Variants in ANKS1B observed in about 807,000 individuals in gnomAD.
ANKS1B encodes ankyrin repeat and sterile alpha motif domain-containing protein 1B.
Under a neutral mutation model 148.3 loss-of-function variants are expected in ANKS1B, and 36 were observed. That is an observed-to-expected ratio of 0.24 (90% CI 0.19 to 0.32). The LOEUF (loss-of-function observed/expected upper bound fraction) is 0.32, where lower values mean the gene tolerates loss of function less well. Among genes scored for constraint, ANKS1B ranks in the 10% least tolerant of loss-of-function variants. The pLI, the probability that ANKS1B is intolerant of heterozygous loss-of-function variation, is 1.00. For synonymous variants in ANKS1B, 542 were observed against 560.8 expected, an observed-to-expected ratio of 0.97 and a Z score of 0.47; for missense variants, 1,157 against 1,542.6, an observed-to-expected ratio of 0.75 and a Z score of 4.19.
At chr12:99,781,935 A>T in intron 5 of ANKS1B, 87 bp downstream of exon 5, 1 of 1,166,570 alleles carries the variant, frequency 8.6e-7, no homozygotes, top group Non-Finnish European at 1.2e-6. Flanking sequence ...TGATTTGTGA[A>T]GAAAACTGTG....
chr12:99,937,656 T>A (rs1175724890), intron 1 of ANKS1B, among the ~76,000 whole-genome samples: 4 of 152,170 alleles, frequency 2.6e-5, no homozygotes, highest in African/African-American at 9.6e-5. Context: ...GCTATCATAT[T>A]GCTACACTGA....
chr12:98,859,026 T>C (rs1181747240), intron 17 of ANKS1B, among the ~76,000 whole-genome samples: 2 of 152,244 alleles, frequency 1.3e-5, no homozygotes, highest in South Asian at 2.1e-4. Flanking sequence ...CTTATTTTCA[T>C]GGATTTTCTA....
intron 17 of ANKS1B, among the ~76,000 whole-genome samples, chr12:98,842,941 CTTCAGTAAAAATGTTTA>C (rs2099416019): frequency 6.6e-6 from 1 of 152,160 alleles, no homozygotes; most frequent in African/African-American, 2.4e-5. Context: ...AGTCATAACA[CTTCAGTAAAAATGTTTA>C]TGCTTTCTAA....
At position 99,259,178 on chromosome 12, in the gene ANKS1B, G is replaced by A. The variant is rs908940844; in HGVS notation, c.1757-12314C>T. On this transcript the variant is annotated intron_variant, in intron 12 of 26. Transcript: ENST00000683438. ...CATCAGTACAATGCACCATCCACTG[G>A]AGTGTCCTATCCAAGTAGCACTGGA... 7.2e-5 allele frequency among the ~76,000 whole-genome samples: 11 copies of A among 152,314 alleles called. No homozygotes were observed. The East Asian group carries it at 1.5e-3, about 21-fold the overall frequency.
rs745561598 is a variant in ANKS1B, at chr12:99,246,346, A to G, written c.2275T>C (p.Ser759Pro). ...EKTSRVNWSE[S>P]STAEHSSKGN... ...TTAGAACTGTGTTCAGCAGTGGAAG[A>G]TTCACTCCAGTTAACTCTTGATGTT... Residue 759 changes from serine to proline, a missense_variant, in exon 13 of 27, where the codon TCT becomes CCT. Transcript: ENST00000683438. 2 of 1,613,524 alleles carry G rather than the reference A, an allele frequency of 1.2e-6. No individual in the cohort carries two copies. The highest frequency in any genetic ancestry group is 1.7e-6 in the Non-Finnish European group (2 of 1,179,704).
chr12:98,743,249 T>C (rs115692832), downstream of ANKS1B, among the ~76,000 whole-genome samples: 892 of 152,296 alleles, frequency 5.9e-3, 8 homozygotes, highest in African/African-American at 0.02. Context: ...TTCCCAAGTA[T>C]TCCAACTTGA....
In ANKS1B at chr12:99,673,479, T is replaced by C. The variant is rs1017251229; in HGVS notation, c.1129-18269A>G. On this transcript the variant is annotated intron_variant, in intron 8 of 26. Transcript: ENST00000683438. ...TCTATGCCAAGAAGAAAAAATATTA[T>C]GTTGACCTTATATTTTTGGAACATA... Among the ~76,000 whole-genome samples, 12 of 152,188 alleles carry C rather than the reference T, an allele frequency of 7.9e-5. No homozygotes were observed. The South Asian group carries it at 8.3e-4, about 11-fold the overall frequency.
chr12:99,017,356 G>A (rs150059101), intron 17 of ANKS1B, among the ~76,000 whole-genome samples: 27 of 152,208 alleles, frequency 1.8e-4, no homozygotes, highest in Non-Finnish European at 3.1e-4. Flanking sequence ...AGAGAGGCCC[G>A]AATTCTGATA....
At chr12:98,826,091 G>C (rs1221716318) in intron 19 of ANKS1B, among the ~76,000 whole-genome samples, 2 of 152,126 alleles carry the variant, frequency 1.3e-5, no homozygotes, top group African/African-American at 4.8e-5. Flanking sequence ...AGAATTACAG[G>C]CTGGAGAAGC....
At chr12:99,695,969 T>G (rs1047943349) in intron 8 of ANKS1B, among the ~76,000 whole-genome samples, 1 of 152,100 alleles carries the variant, frequency 6.6e-6, no homozygotes, top group Non-Finnish European at 1.5e-5. Context: ...AGCAAGCATT[T>G]AAAAACTACC....
intron 1 of ANKS1B, among the ~76,000 whole-genome samples, chr12:99,903,145 C>T (rs908115389): frequency 6.6e-6 from 1 of 152,178 alleles, no homozygotes; most frequent in Non-Finnish European, 1.5e-5. Flanking sequence ...AGCTATTATT[C>T]ATGTTTTGAG....
chr12:98,760,606 A>T (rs2098383713), intron 25 of ANKS1B, among the ~76,000 whole-genome samples: 1 of 152,208 alleles, frequency 6.6e-6, no homozygotes, highest in African/African-American at 2.4e-5. Context: ...GCTCACCTCT[A>T]TGTGCCAGGA....
intron 14 of ANKS1B, among the ~76,000 whole-genome samples, chr12:99,217,658 T>A (rs2084428811): frequency 6.6e-6 from 1 of 152,158 alleles, no homozygotes; most frequent in Non-Finnish European, 1.5e-5. Context: ...TTCAGTTTTT[T>A]TTTGGCCCCA....
chr12:99,259,128 C>T (rs981620976), intron 12 of ANKS1B, among the ~76,000 whole-genome samples: 25 of 152,138 alleles, frequency 1.6e-4, no homozygotes, highest in African/African-American at 4.8e-4. Flanking sequence ...CGCTTTGTGT[C>T]GGATTACCCT....
At position 98,756,975 on chromosome 12, in the gene ANKS1B, C is replaced by T. The variant is rs563662444; in HGVS notation, c.3580-5453G>A. ...AACTCCTGTCCTCAGGTGATCCATC[C>T]GCCTCGGCCTCCCAAAGTGCTGGGA... On this transcript the variant is annotated intron_variant, in intron 25 of 26. Transcript: ENST00000683438. 2.7e-4 allele frequency among the ~76,000 whole-genome samples: 41 copies of T among 151,838 alleles called. 1 individual carries two copies. The South Asian group carries it at 6.3e-3, about 23-fold the overall frequency.
intron 17 of ANKS1B, among the ~76,000 whole-genome samples, chr12:99,005,838 T>A (rs976388980): frequency 3.9e-5 from 6 of 152,156 alleles, no homozygotes; most frequent in Non-Finnish European, 7.4e-5. Context: ...CATATGCTGA[T>A]GAACTCAATT....
intron 17 of ANKS1B, among the ~76,000 whole-genome samples, chr12:98,933,730 A>C (rs2099815886): frequency 6.6e-6 from 1 of 151,852 alleles, no homozygotes; most frequent in Non-Finnish European, 1.5e-5. Flanking sequence ...TTTGACTTGC[A>C]TTTCCCTGAT....
chr12:99,913,188 C>T (rs553613811), intron 1 of ANKS1B, among the ~76,000 whole-genome samples: 1 of 152,310 alleles, frequency 6.6e-6, no homozygotes, highest in Admixed American at 6.5e-5. Flanking sequence ...AACAAAAAAG[C>T]TTCCACCATG....
intron 3 of ANKS1B, among the ~76,000 whole-genome samples, chr12:99,810,941 G>C (rs2068277074): frequency 6.6e-6 from 1 of 151,862 alleles, no homozygotes; most frequent in African/African-American, 2.4e-5. Context: ...TGGAAGAGAA[G>C]AGCATTGTCA....
Sources: allele counts gnomAD v4.1 joint callset (sites outside exome capture counted in the v4.1 genomes callset), GRCh38; gene constraint gnomAD v4.1.1; transcripts MANE v1.5; gene names NCBI Gene and HGNC (gene_info 2026-07-23, HGNC 2026-07-21).